NRF1: variants seen among roughly 807,000 people sequenced by gnomAD.
NRF1 encodes nuclear respiratory factor 1, also known as alpha palindromic-binding protein.
NRF1 carries 5 observed loss-of-function variants against 58.5 expected under a neutral mutation model. The ratio of observed to expected loss-of-function variants is 0.09; its 90% CI spans 0.04 to 0.18. The LOEUF (loss-of-function observed/expected upper bound fraction) is 0.18, where lower values mean the gene tolerates loss of function less well. Among genes scored for constraint, NRF1 ranks in the 10% least tolerant of loss-of-function variants. NRF1 has a pLI of 1.00. For missense variants in NRF1, 288 were observed against 657.7 expected (o/e 0.44, Z 6.15); for synonymous variants, 224 against 246.7 (o/e 0.91, Z 0.86).
chr7:129,731,732 A>G (rs936111264), intron 10 of NRF1, among the ~76,000 whole-genome samples: 3 of 152,004 alleles, frequency 2.0e-5, no homozygotes, highest in African/African-American at 7.3e-5. Context: ...CAGCCTACTG[A>G]GACGCTGGGA....
intron 2 of NRF1, among the ~76,000 whole-genome samples, chr7:129,666,029 A>G (rs565228855): frequency 5.2e-4 from 79 of 152,368 alleles, no homozygotes; most frequent in African/African-American, 1.6e-3. Flanking sequence ...GACGTAATTA[A>G]TATCTTGAGA....
At chr7:129,624,307 CT>C (rs1800868387) in intron 1 of NRF1, among the ~76,000 whole-genome samples, 1 of 152,136 alleles carries the variant, frequency 6.6e-6, no homozygotes, top group South Asian at 2.1e-4. Flanking sequence ...TGATATATGT[CT>C]GTTCCACCAG....
At chr7:129,674,150 A>G (rs940227010) in intron 3 of NRF1, among the ~76,000 whole-genome samples, 3 of 151,840 alleles carry the variant, frequency 2.0e-5, no homozygotes, top group Admixed American at 6.6e-5. Flanking sequence ...AAAAAAAAAA[A>G]AAAGCTGTTT....
chr7:129,665,983 T>A (rs964230237), intron 2 of NRF1, among the ~76,000 whole-genome samples: 2 of 152,172 alleles, frequency 1.3e-5, no homozygotes, highest in Non-Finnish European at 2.9e-5. Flanking sequence ...AAGGATAGGT[T>A]AATAAAGAAG....
intron 1 of NRF1, among the ~76,000 whole-genome samples, chr7:129,623,911 G>A (rs1331411896): frequency 6.6e-6 from 1 of 152,162 alleles, no homozygotes; most frequent in Admixed American, 6.6e-5. Context: ...CATGGCGGGA[G>A]GTAGAGAATC....
intron 2 of NRF1, among the ~76,000 whole-genome samples, chr7:129,666,405 T>C (rs1458011408): frequency 6.6e-6 from 1 of 152,248 alleles, no homozygotes; most frequent in Admixed American, 6.5e-5. Flanking sequence ...ATTAATGGTA[T>C]CACTCTGATA....
rs992466668 is a variant in NRF1, at chr7:129,727,573, A to C, written c.1348+208A>C. On this transcript the variant is annotated intron_variant, in intron 10 of 10. Coordinates refer to ENST00000393232, the MANE Select transcript of NRF1 (RefSeq NM_005011.5). Reference sequence around the variant, plus strand: ...GGGGTTCCTGAAGGAAAATACTGTGATAATGGCTACCTAATTGAATTGTTA... The same window carrying C: ...GGGGTTCCTGAAGGAAAATACTGTGCTAATGGCTACCTAATTGAATTGTTA... Among the ~76,000 whole-genome samples the C allele has an allele frequency of 3.3e-5, 5 of 152,280 alleles. No individual in the cohort carries two copies. The East Asian group carries it at 7.7e-4, about 23-fold the overall frequency.
intron 10 of NRF1, among the ~76,000 whole-genome samples, chr7:129,748,025 C>T (rs1193564944): frequency 2.0e-5 from 3 of 152,190 alleles, no homozygotes; most frequent in Middle Eastern, 6.8e-3. Flanking sequence ...CCTATAATCC[C>T]AGCACTTTGG....
chr7:129,752,284 G>T (rs1202153030), intron 10 of NRF1, among the ~76,000 whole-genome samples: 5 of 151,886 alleles, frequency 3.3e-5, no homozygotes, highest in African/African-American at 4.8e-5. Context: ...AGGAAGGAGT[G>T]GGGGATAAGT....
intron 1 of NRF1, among the ~76,000 whole-genome samples, chr7:129,622,092 A>G (rs1800810643): frequency 6.6e-6 from 1 of 152,006 alleles, no homozygotes; most frequent in African/African-American, 2.4e-5. Flanking sequence ...AAATGTATTT[A>G]TAGTGAAAAA....
intron 5 of NRF1, among the ~76,000 whole-genome samples, chr7:129,707,633 G>A (rs971793946): frequency 1.3e-5 from 2 of 152,176 alleles, no homozygotes; most frequent in African/African-American, 4.8e-5. Context: ...GACCGCATGA[G>A]CCAGCTGATG....
intron 1 of NRF1, among the ~76,000 whole-genome samples, chr7:129,622,461 A>G (rs1800821181): frequency 6.6e-6 from 1 of 152,192 alleles, no homozygotes; most frequent in African/African-American, 2.4e-5. Flanking sequence ...TCTTAATGGA[A>G]AAAGCTATGT....
chr7:129,677,209 A>C (rs1802202742), intron 3 of NRF1, among the ~76,000 whole-genome samples: 1 of 151,754 alleles, frequency 6.6e-6, no homozygotes, highest in South Asian at 2.1e-4. Context: ...GACGGGTTTT[A>C]CACCATGTTG....
intron 3 of NRF1, among the ~76,000 whole-genome samples, chr7:129,672,226 A>C (rs560775098): frequency 3.5e-4 from 46 of 130,102 alleles, no homozygotes; most frequent in Non-Finnish European, 5.7e-4. Context: ...TTTTTGATAG[A>C]TGTGGTCTTG....
chr7:129,687,527 C>T (rs962375781), intron 4 of NRF1, among the ~76,000 whole-genome samples: 3 of 152,156 alleles, frequency 2.0e-5, no homozygotes, highest in Admixed American at 6.6e-5. Flanking sequence ...CTGCCCGCCT[C>T]GGCCTCCCAA....
At chr7:129,720,409 G>C (rs1309595503) in intron 9 of NRF1, among the ~76,000 whole-genome samples, 1 of 152,194 alleles carries the variant, frequency 6.6e-6, no homozygotes, top group Non-Finnish European at 1.5e-5. Flanking sequence ...CTTGCACTCT[G>C]AGCCTCTCCA....
At chr7:129,677,498 C>G (rs1187224526) in intron 3 of NRF1, 134 bp from the exon 4 acceptor site, 1 of 761,928 alleles carries the variant, frequency 1.3e-6, no homozygotes, top group African/African-American at 1.7e-5. Flanking sequence ...TAGCAAACCT[C>G]ACATTCCCCT....
intron 5 of NRF1, among the ~76,000 whole-genome samples, chr7:129,708,443 T>G (rs535243967): frequency 1.1e-4 from 17 of 152,368 alleles, no homozygotes; most frequent in African/African-American, 3.6e-4. Flanking sequence ...TATGTCAGAC[T>G]CATGGACAGT....
intron 10 of NRF1, among the ~76,000 whole-genome samples, chr7:129,744,801 G>GT (rs1485292312): frequency 1.1e-4 from 17 of 152,026 alleles, no homozygotes; most frequent in Admixed American, 5.9e-4. Context: ...TTTTTTTGTG[G>GT]TTTTTTTCCT....
Sources: gnomAD v4.1 joint callset for allele counts (sites outside exome capture counted in the v4.1 genomes callset) on GRCh38, gnomAD v4.1.1 for gene constraint, MANE v1.5 for transcripts, NCBI Gene and HGNC (gene_info 2026-07-23, HGNC 2026-07-21) for gene names.